Variants in CLPTM1L observed in about 807,000 individuals in gnomAD.
CLPTM1L encodes lipid scramblase CLPTM1L.
Under a neutral mutation model 70.9 loss-of-function variants are expected in CLPTM1L, and 38 were observed. The observed-to-expected ratio is 0.54, with a 90% CI of 0.41 to 0.70. The LOEUF (loss-of-function observed/expected upper bound fraction) is 0.70, where lower values mean the gene tolerates loss of function less well. CLPTM1L is among the 30% of genes least tolerant of loss of function. The pLI, the probability that CLPTM1L is intolerant of heterozygous loss-of-function variation, is 0.00. For missense variants in CLPTM1L, 652 were observed against 705.9 expected, an observed-to-expected ratio of 0.92 and a Z score of 0.87; for synonymous variants, 339 against 299.9, an observed-to-expected ratio of 1.13 and a Z score of -1.35.
intron 11 of CLPTM1L, 45 bp from the exon 12 acceptor site, chr5:1,323,914 A>C: frequency 7.0e-7 from 1 of 1,437,218 alleles, no homozygotes; most frequent in Non-Finnish European, 9.8e-7. Context: ...CCAAACGCCA[A>C]GCCTCTGTAA....
rs1039120946 is a variant in CLPTM1L at position 1,342,944 on chromosome 5, G to A, written c.264-1084C>T. ...GCGGCGGCTCACGCCTGTAATCCCA[G>A]CACCTTGGGAGGCCGAGCCGGGCAG... On this transcript the variant is annotated intron_variant, in intron 2 of 16. Coordinates refer to ENST00000320895, the MANE Select transcript of CLPTM1L (RefSeq NM_030782.5). This position sits in a 1 kb window ranked among gnomAD's most constrained non-coding sequence, Gnocchi z 4.3. Among the ~76,000 whole-genome samples the A allele has an allele frequency of 1.3e-5, 2 of 152,244 alleles. No individual in the cohort carries two copies. Among genetic ancestry groups the A allele is most frequent in the Non-Finnish European group, 2.9e-5 (2 of 68,038 alleles).
chr5:1,331,699 G>T, intron 8 of CLPTM1L, 100 bp downstream of exon 8: 1 of 1,009,346 alleles, frequency 9.9e-7, no homozygotes, highest in Middle Eastern at 2.6e-4. Context: ...ACCCGGGGCT[G>T]TGTCTGCAGC....
chr5:1,324,719 G>C (rs766274356), intron 11 of CLPTM1L, 44 bp downstream of exon 11: 2 of 1,566,690 alleles, frequency 1.3e-6, no homozygotes, highest in South Asian at 2.2e-5. Context: ...TGAGGGTGTT[G>C]GATTTGCCTG....
At chr5:1,335,617 A>G (rs566819135) in intron 5 of CLPTM1L, among the ~76,000 whole-genome samples, 35 of 152,374 alleles carry the variant, frequency 2.3e-4, no homozygotes, top group African/African-American at 8.2e-4. Context: ...GCACATGGGC[A>G]AAGTGCCTCA....
intron 9 of CLPTM1L, 106 bp from the exon 10 acceptor site, chr5:1,325,922 G>A (rs962103563): frequency 2.6e-5 from 23 of 891,726 alleles, no homozygotes; most frequent in Non-Finnish European, 3.6e-5. Flanking sequence ...ATGGCCCCGC[G>A]CAGCCCACTG....
Position 1,318,513 on chromosome 5 carries a change from G to A in CLPTM1L, c.1533-60C>T. On this transcript the variant is annotated intron_variant, in intron 16 of 16. Coordinates refer to ENST00000320895, the MANE Select transcript of CLPTM1L (RefSeq NM_030782.5). The surrounding 1 kb of genome is among the most constrained non-coding windows in gnomAD (Gnocchi z 8.9). Reference sequence around the variant, plus strand: ...CACTGCAGGGGCTATTTTTCTAAGAGGAGGACTTGGCATCCTCGATTTATT... The same window carrying A: ...CACTGCAGGGGCTATTTTTCTAAGAAGAGGACTTGGCATCCTCGATTTATT... 7.3e-7 allele frequency: 1 copy of A among 1,366,502 alleles called. No individual in the cohort carries two copies. Among genetic ancestry groups the A allele is most frequent in the East Asian group, 2.3e-5 (1 of 43,156 alleles). The allele number at this position is 1,366,502 out of a possible 1,614,324, so 84.6% of individuals were successfully genotyped here. A position where few individuals can be genotyped will look rare whatever the true frequency, so the allele number is the denominator to read the frequency against.
intron 7 of CLPTM1L, among the ~76,000 whole-genome samples, chr5:1,333,252 A>G (rs140005265): frequency 8.1e-4 from 22 of 27,196 alleles, no homozygotes; most frequent in African/African-American, 2.3e-3. Flanking sequence ...TATACACACC[A>G]GATAAGGGGG....
chr5:1,338,209 T>A, intron 4 of CLPTM1L: 2 of 587,452 alleles, frequency 3.4e-6, no homozygotes, highest in Non-Finnish European at 6.1e-6. Context: ...TGGCCACAGG[T>A]GGGAAAATGC....
chr5:1,319,088 C>T (rs532239933), intron 16 of CLPTM1L, among the ~76,000 whole-genome samples: 34 of 152,284 alleles, frequency 2.2e-4, no homozygotes, highest in East Asian at 7.7e-4. Context: ...GTTTCAGGCA[C>T]GCCCCGGGCC....
At chr5:1,322,717 TG>T in intron 13 of CLPTM1L, 159 bp downstream of exon 13, 8 of 744,798 alleles carry the variant, frequency 1.1e-5, no homozygotes, top group Admixed American at 2.0e-5. Context: ...GCTCACAGCC[TG>T]GGGGGAGCCC....
chr5:1,322,567 G>C (rs370934965), intron 13 of CLPTM1L, among the ~76,000 whole-genome samples: 88 of 152,374 alleles, frequency 5.8e-4, no homozygotes, highest in African/African-American at 2.0e-3. Flanking sequence ...CATCAGCGAT[G>C]GACACATATA....
rs553002482 is a variant in CLPTM1L, at chr5:1,331,864, G to C, written c.911C>G (p.Ala304Gly). 1.2e-6 allele frequency: 2 copies of C among 1,613,368 alleles called. No homozygotes were observed. The highest frequency in any genetic ancestry group is 1.7e-5 in the Admixed American group (1 of 60,012). Residue 304 changes from alanine (A) to glycine (G), a missense_variant, in exon 8 of 17, where the codon GCC (alanine) becomes GGC (glycine). Ala to Gly is a moderately conservative substitution (Grantham distance 60, BLOSUM62 0). Transcript: ENST00000320895. The part of the protein sequence containing the change: ...AAFHLLFDFL[A>G]FKNDISFWKK... The stretch of plus-strand genomic sequence containing the variant: ...CCAGAAACTGATGTCATTTTTAAAG[G>C]CCAGGAAATCAAAGAGAAGCTAGAG...
chr5:1,341,623 C>G (rs1408036655), intron 3 of CLPTM1L, 48 bp downstream of exon 3: 5 of 1,504,606 alleles, frequency 3.3e-6, no homozygotes, highest in Non-Finnish European at 4.5e-6. Flanking sequence ...CATGTCCGTT[C>G]TGACGGAGAG....
chr5:1,324,054 G>A (rs1752353116), intron 11 of CLPTM1L, 185 bp from the exon 12 acceptor site: 2 of 601,368 alleles, frequency 3.3e-6, no homozygotes, highest in South Asian at 2.0e-5. Flanking sequence ...CACAGCCCCA[G>A]GAGGCACCGC....
chr5:1,324,839 A>G (rs907512887), intron 10 of CLPTM1L, 26 bp from the exon 11 acceptor site: 4 of 1,605,908 alleles, frequency 2.5e-6, no homozygotes, highest in Non-Finnish European at 3.4e-6. Context: ...ACACAGTGAT[A>G]TTAATAGACT....
rs961150709 is a variant in CLPTM1L, at chr5:1,318,080, G to A, written c.*289C>T. The A allele has an allele frequency of 1.4e-5, 6 of 419,400 alleles. No individual in the cohort carries two copies. Among genetic ancestry groups the A allele is most frequent in the Admixed American group, 4.4e-5 (1 of 22,820 alleles). The allele number at this position is 419,400 out of a possible 1,614,324, so 26.0% of individuals were successfully genotyped here. ...CCTGTGAGGGCTCCCACCCCTGCCC[G>A]CGTGAGGACATGGCCGAACCCCGGA... On this transcript the variant is annotated 3_prime_UTR_variant, in exon 17 of 17. Coordinates refer to ENST00000320895, the MANE Select transcript of CLPTM1L (RefSeq NM_030782.5). This position sits in a 1 kb window ranked among gnomAD's most constrained non-coding sequence, Gnocchi z 8.9.
chr5:1,328,377 C>A (rs1752784734), intron 9 of CLPTM1L, among the ~76,000 whole-genome samples: 1 of 147,650 alleles, frequency 6.8e-6, no homozygotes, highest in Admixed American at 6.7e-5. Context: ...CCAGCTCCTC[C>A]TCTACAGGGA....
At chr5:1,341,598 C>G in intron 3 of CLPTM1L, 73 bp downstream of exon 3, 1 of 1,347,586 alleles carries the variant, frequency 7.4e-7, no homozygotes, top group Non-Finnish European at 1.0e-6. Flanking sequence ...CATCGCCCAC[C>G]TGTGTGGAGA....
At chr5:1,344,226 C>T (rs1397755873) in intron 2 of CLPTM1L, 125 bp downstream of exon 2, 1 of 723,456 alleles carries the variant, frequency 1.4e-6, no homozygotes, top group Middle Eastern at 2.3e-4. Flanking sequence ...TATTCTACCA[C>T]TTCAAGACAT....
Sources: gnomAD v4.1 joint callset for allele counts (sites outside exome capture counted in the v4.1 genomes callset) on GRCh38, gnomAD v4.1.1 for gene constraint, Gnocchi (gnomAD v3.1) non-coding constraint, MANE v1.5 for transcripts, NCBI Gene and HGNC (gene_info 2026-07-23, HGNC 2026-07-21) for gene names.